The following CKAP5 variants were observed in gnomAD, a reference collection of about 807,000 sequenced individuals.
The protein encoded by CKAP5 is cytoskeleton-associated protein 5.
A neutral mutation model predicts 232.8 loss-of-function variants in CKAP5; 27 were observed. That is an observed-to-expected ratio of 0.12 (90% CI 0.09 to 0.16). The LOEUF (loss-of-function observed/expected upper bound fraction) is 0.16, where lower values mean the gene tolerates loss of function less well. CKAP5 is among the 10% of genes least tolerant of loss of function. The pLI is 1.00. For missense variants in CKAP5, 1,838 were observed against 2,424.7 expected (o/e 0.76, Z 5.08); for synonymous variants, 785 against 841.1 (o/e 0.93, Z 1.16).
chr11:46,794,491 G>C (rs1248353060), intron 13 of CKAP5, among the ~76,000 whole-genome samples: 2 of 116,886 alleles, frequency 1.7e-5, no homozygotes, highest in African/African-American at 5.1e-5. Flanking sequence ...AACTTGAGTA[G>C]ATATTTTTTT....
chr11:46,823,774 C>T (rs1249799666), intron 1 of CKAP5, among the ~76,000 whole-genome samples: 1 of 152,138 alleles, frequency 6.6e-6, no homozygotes, highest in Non-Finnish European at 1.5e-5. Flanking sequence ...GCACATGTCA[C>T]CATGCCCAAC....
In CKAP5 at chr11:46,743,969, G is replaced by C; in HGVS notation, c.*54C>G. 6.2e-7 allele frequency: 1 copy of C among 1,609,310 alleles called. No homozygotes were observed. The highest frequency in any genetic ancestry group is 8.5e-7 in the Non-Finnish European group (1 of 1,178,376). On this transcript the variant is annotated 3_prime_UTR_variant, in exon 44 of 44. Transcript: ENST00000529230. ...CTGCTGAGGCCATTTTAAACTATGA[G>C]GACTTCTAGTTTAGTAAACTAAAGC...
chr11:46,798,274 A>T (rs534990598), intron 9 of CKAP5, 102 bp from the exon 10 acceptor site: 6 of 720,340 alleles, frequency 8.3e-6, no homozygotes, highest in African/African-American at 7.3e-5. Flanking sequence ...ATGCTAAGTT[A>T]AAAAAAAAGC....
chr11:46,759,369 C>T lies in CKAP5; in HGVS notation c.4468G>A (p.Glu1490Lys), dbSNP rs2065137798. 1.2e-6 allele frequency: 2 copies of T among 1,614,116 alleles called. No individual in the cohort carries two copies. The highest frequency in any genetic ancestry group is 1.7e-6 in the Non-Finnish European group (2 of 1,180,022). Residue 1490 changes from glutamate (E) to lysine (K), a missense_variant, in exon 34 of 44, where the codon GAG (glutamate) becomes AAG (lysine). Physicochemically the swap from Glu to Lys is moderately conservative, Grantham distance 56. Around this residue, in one of 6 missense-constraint regions of CKAP5, gnomAD observed 579 missense variants for 843.2 expected, o/e 0.69. Transcript: ENST00000529230. ...ACTGTACCATTGTCATTCTCAATCT[C>T]ATCTAGATCCAGCTGGAATTCTCGG... is the stretch of plus-strand genomic sequence containing the variant. ...VRREFQLDLD[E>K]IENDNGTVRC...
intron 13 of CKAP5, among the ~76,000 whole-genome samples, chr11:46,791,114 C>T (rs527311316): frequency 5.9e-5 from 9 of 152,112 alleles, no homozygotes; most frequent in African/African-American, 2.2e-4. Flanking sequence ...TCTGTAGACC[C>T]CATATTAAAA....
At chr11:46,805,872 G>C (rs1015655330) in intron 8 of CKAP5, among the ~76,000 whole-genome samples, 2 of 152,222 alleles carry the variant, frequency 1.3e-5, no homozygotes, top group Non-Finnish European at 2.9e-5. Flanking sequence ...GGGAGGCAGA[G>C]GTTGCAGTGA....
At position 46,750,995 on chromosome 11, in the gene CKAP5, T is replaced by C. The variant is rs2065060346; in HGVS notation, c.5460+123A>G. 3.5e-6 allele frequency: 4 copies of C among 1,134,738 alleles called. No individual in the cohort carries two copies. In the Admixed American group the frequency reaches 9.4e-5, roughly 27 times the overall value. 70.3% of individuals were successfully genotyped at this position (1,134,738 alleles called of 1,614,324 possible). On this transcript the variant is annotated intron_variant, in intron 40 of 43. Coordinates refer to ENST00000529230, the MANE Select transcript of CKAP5 (RefSeq NM_001008938.4). Reference sequence around the variant, plus strand: ...TACTGCACCACAGCAGGAGACTGATTCAACCAGTCCATGAGCCTTCACCTT... The same window carrying C: ...TACTGCACCACAGCAGGAGACTGATCCAACCAGTCCATGAGCCTTCACCTT...
intron 42 of CKAP5, among the ~76,000 whole-genome samples, chr11:46,748,735 C>T (rs2065040439): frequency 6.6e-6 from 1 of 152,122 alleles, no homozygotes; most frequent in Admixed American, 6.5e-5. Context: ...CACCACTGCA[C>T]TCCAGCCCGA....
intron 30 of CKAP5, 84 bp downstream of exon 30, chr11:46,762,891 TA>T: frequency 5.5e-6 from 8 of 1,456,780 alleles, no homozygotes; most frequent in Admixed American, 1.8e-5. Flanking sequence ...ATATAATCAG[TA>T]AAAAAGGGAG....
intron 13 of CKAP5, among the ~76,000 whole-genome samples, chr11:46,792,667 C>G (rs746473635): frequency 5.3e-5 from 8 of 152,162 alleles, no homozygotes; most frequent in Non-Finnish European, 2.9e-5. Flanking sequence ...TATTGTCCTA[C>G]TTATCTTTTT....
intron 1 of CKAP5, among the ~76,000 whole-genome samples, chr11:46,841,989 CT>C (rs1195373474): frequency 1.2e-5 from 1 of 83,948 alleles, no homozygotes. Context: ...AAGAGTAAGA[CT>C]TTGGTTCAAA....
chr11:46,773,060 G>C (rs1202033159), intron 24 of CKAP5, among the ~76,000 whole-genome samples: 3 of 151,958 alleles, frequency 2.0e-5, no homozygotes, highest in Non-Finnish European at 4.4e-5. Flanking sequence ...TAAGTTTCAT[G>C]TTATCTGTAG....
chr11:46,778,568 C>T lies in CKAP5; in HGVS notation c.2465G>A (p.Arg822Lys). 6.2e-7 allele frequency: 1 copy of T among 1,614,044 alleles called. No homozygotes were observed. Among genetic ancestry groups the T allele is most frequent in the Non-Finnish European group, 8.5e-7 (1 of 1,179,964 alleles). The change falls in exon 21 of 44, where the codon AGA (arginine) becomes AAA (lysine). Residue 822 changes from arginine (R) to lysine (K), a missense_variant. Arg to Lys is a conservative substitution (Grantham distance 26, BLOSUM62 2). Around this residue, in one of 6 missense-constraint regions of CKAP5, gnomAD observed 767 missense variants for 954.6 expected, o/e 0.80. Transcript: ENST00000529230. Reference sequence around the variant, plus strand: ...ACTTGTGCTATGCTTGGAAATTCCTCTGGTTGGAGCAGGTGGACTTTGTCC... The same window carrying T: ...ACTTGTGCTATGCTTGGAAATTCCTTTGGTTGGAGCAGGTGGACTTTGTCC... Reference protein sequence around the residue: ...MQGQSPPAPTRGISKHSTSGT... With the variant: ...MQGQSPPAPTKGISKHSTSGT...
At chr11:46,810,947 G>C in intron 5 of CKAP5, 60 bp downstream of exon 5, 2 of 1,385,074 alleles carry the variant, frequency 1.4e-6, no homozygotes, top group Non-Finnish European at 9.8e-7. Flanking sequence ...AACAACGATA[G>C]GAAGAAAATA....
At position 46,808,148 on chromosome 11, in the gene CKAP5, C is replaced by A. The variant is rs1463149003; in HGVS notation, c.865-4G>T. The A allele has an allele frequency of 1.3e-6, 2 of 1,575,178 alleles. No individual in the cohort carries two copies. Among genetic ancestry groups the A allele is most frequent in the South Asian group, 1.1e-5 (1 of 89,942 alleles). The stretch of plus-strand genomic sequence containing the variant: ...TCTCTTGCCATTTTTTTGCCTCCTG[C>A]AAGATACAATATGAGTCATTTGTAA... On this transcript the variant is annotated splice_polypyrimidine_tract_variant and splice_region_variant and intron_variant, in intron 7 of 43. Transcript: ENST00000529230.
At chr11:46,782,164 A>G (rs1261580178) in intron 18 of CKAP5, among the ~76,000 whole-genome samples, 2 of 152,038 alleles carry the variant, frequency 1.3e-5, no homozygotes, top group Non-Finnish European at 2.9e-5. Flanking sequence ...CTCTATATAT[A>G]TATTTTTAAC....
At position 46,821,477 on chromosome 11, in the gene CKAP5, T is replaced by G. The variant is rs377088505; in HGVS notation, c.-37-209A>C. ...TCTCGCTCTGTCACCCAGGCTGGAG[T>G]GCAGTGGCCCGATCTCCGCTTACTG... On this transcript the variant is annotated intron_variant, in intron 1 of 43. Coordinates refer to ENST00000529230, the MANE Select transcript of CKAP5 (RefSeq NM_001008938.4). 8.6e-3 allele frequency among the ~76,000 whole-genome samples: 1,106 copies of G among 129,302 alleles called. 15 individuals carry two copies. The highest frequency in any genetic ancestry group is 0.019 in the Admixed American group (191 of 10,014). 84.8% of individuals were successfully genotyped at this position (129,302 alleles called of 152,430 possible). A position where few individuals can be genotyped will look rare whatever the true frequency, so the allele number is the denominator to read the frequency against.
chr11:46,757,585 A>G (rs529278271), intron 35 of CKAP5, among the ~76,000 whole-genome samples: 1 of 151,502 alleles, frequency 6.6e-6, no homozygotes, highest in South Asian at 2.1e-4. Flanking sequence ...TTATTTATTT[A>G]TTTGTTTATT....
Position 46,744,138 on chromosome 11 carries a change from G to A in CKAP5, c.5984C>T (p.Ser1995Leu). ...GTGAGTCTGGTTAGAATCCAGGTCT[G>A]AATGCTGGTGCTGCTCCCGTGACTC... The part of the protein sequence containing the change: ...LRESREQHQH[S>L]DLDSNQTHSS... Residue 1995 changes from serine (S) to leucine (L), a missense_variant, in exon 44 of 44, where the codon TCA (serine) becomes TTA (leucine). By Grantham distance (145) the Ser-to-Leu change is moderately radical. Transcript: ENST00000529230. 2 of 1,614,148 alleles carry A rather than the reference G, an allele frequency of 1.2e-6. No homozygotes were observed. Among genetic ancestry groups the A allele is most frequent in the South Asian group, 1.1e-5 (1 of 91,082 alleles).
Sources: gnomAD v4.1 joint callset for allele counts (sites outside exome capture counted in the v4.1 genomes callset) on GRCh38, gnomAD v4.1.1 for gene constraint, gnomAD v4.1.1 regional missense constraint, MANE v1.5 for transcripts, NCBI Gene and HGNC (gene_info 2026-07-23, HGNC 2026-07-21) for gene names.